Variants in DLGAP2 observed in about 807,000 individuals in gnomAD.
DLGAP2 encodes the protein DLG associated protein 2, also known as disks large-associated protein 2.
DLGAP2 carries 26 observed loss-of-function variants against 100.3 expected under a neutral mutation model. The ratio of observed to expected loss-of-function variants is 0.26; its 90% CI spans 0.19 to 0.36. DLGAP2 has a LOEUF of 0.36. DLGAP2 is among the 10% of genes least tolerant of loss of function. DLGAP2 has a pLI of 1.00. For missense variants in DLGAP2, 1,858 were observed against 1,453.2 expected (o/e 1.28, Z -4.53); for synonymous variants, 886 against 630.1 (o/e 1.41, Z -6.08).
intron 4 of DLGAP2, among the ~76,000 whole-genome samples, chr8:1,526,973 G>C (rs934800739): frequency 6.6e-6 from 1 of 152,226 alleles, no homozygotes; most frequent in Non-Finnish European, 1.5e-5. Flanking sequence ...TGCAAGCAGC[G>C]GGTGCCGTCA....
rs1050121054 is a variant in DLGAP2 at position 1,613,543 on chromosome 8, A to T, written c.1443-13197A>T. Among the ~76,000 whole-genome samples, 13 of 68,184 alleles carry T rather than the reference A, an allele frequency of 1.9e-4. No individual in the cohort carries two copies. In the South Asian group the frequency reaches 3.0e-3, roughly 16 times the overall value. 44.7% of individuals were successfully genotyped at this position (68,184 alleles called of 152,430 possible). ...TGTACCCTAAAACTTAAAGTATAAT[A>T]AAAAAAAAAAAAGAAAAGAAAAGAA... is the stretch of plus-strand genomic sequence containing the variant. On this transcript the variant is annotated intron_variant, in intron 6 of 14. Transcript: ENST00000637795.
chr8:1,555,438 G>A (rs1421615670), intron 5 of DLGAP2, among the ~76,000 whole-genome samples: 1 of 152,150 alleles, frequency 6.6e-6, no homozygotes, highest in Non-Finnish European at 1.5e-5. Context: ...GTTGTGAGGG[G>A]CTCCTCCACA....
chr8:1,132,446 A>T (rs959291683), intron 2 of DLGAP2, among the ~76,000 whole-genome samples: 23 of 152,220 alleles, frequency 1.5e-4, no homozygotes, highest in African/African-American at 5.5e-4. Context: ...AGAGGAGTGC[A>T]AGGTTAAGAA....
At chr8:1,312,395 A>G (rs1800634019) in intron 3 of DLGAP2, among the ~76,000 whole-genome samples, 1 of 152,220 alleles carries the variant, frequency 6.6e-6, no homozygotes, top group Non-Finnish European at 1.5e-5. Context: ...GAATGAAATG[A>G]CAGACCACAG....
At chr8:1,516,199 GTGAA>G (rs375551445) in intron 4 of DLGAP2, among the ~76,000 whole-genome samples, 1 of 152,334 alleles carries the variant, frequency 6.6e-6, no homozygotes, top group East Asian at 1.9e-4. Context: ...GTGAGAATGA[GTGAA>G]TGTGTGCATG....
chr8:1,176,470 A>G (rs114031996), intron 2 of DLGAP2, among the ~76,000 whole-genome samples: 3,719 of 152,284 alleles, frequency 0.024, 179 homozygotes, highest in African/African-American at 0.085. Flanking sequence ...AGAACGATGA[A>G]TGTAGTCACG....
intron 3 of DLGAP2, among the ~76,000 whole-genome samples, chr8:1,272,818 G>A (rs1450333568): frequency 3.9e-5 from 6 of 152,214 alleles, no homozygotes; most frequent in Non-Finnish European, 8.8e-5. Flanking sequence ...ATGAGCTGCC[G>A]GCCTGCAAGT....
chr8:1,289,957 G>A (rs1348689326), intron 3 of DLGAP2, among the ~76,000 whole-genome samples: 1 of 152,178 alleles, frequency 6.6e-6, no homozygotes, highest in Non-Finnish European at 1.5e-5. Context: ...CAAATGGTAG[G>A]TCCTGGGGAT....
At chr8:913,747 A>T (rs1230642353) in intron 2 of DLGAP2, among the ~76,000 whole-genome samples, 1 of 152,248 alleles carries the variant, frequency 6.6e-6, no homozygotes, top group Non-Finnish European at 1.5e-5. Context: ...TGTGCCTCAG[A>T]TACAGGTTTG....
chr8:1,094,163 T>C (rs1804289625), intron 2 of DLGAP2, among the ~76,000 whole-genome samples: 1 of 152,112 alleles, frequency 6.6e-6, no homozygotes, highest in African/African-American at 2.4e-5. Context: ...CAGGGCCCAT[T>C]TGGGAACAGA....
At chr8:1,092,603 C>T (rs773221857) in intron 2 of DLGAP2, among the ~76,000 whole-genome samples, 148 of 152,224 alleles carry the variant, frequency 9.7e-4, no homozygotes, top group Non-Finnish European at 1.6e-3. Context: ...TCACATGCCT[C>T]TCCAGGGACA....
intron 8 of DLGAP2, among the ~76,000 whole-genome samples, chr8:1,660,260 T>A (rs1047493943): frequency 6.6e-6 from 1 of 152,192 alleles, no homozygotes; most frequent in African/African-American, 2.4e-5. Context: ...CCTTTCTCTC[T>A]GGCTGGAGGG....
intron 2 of DLGAP2, among the ~76,000 whole-genome samples, chr8:1,202,337 C>A (rs1797897576): frequency 1.3e-5 from 2 of 151,212 alleles, no homozygotes; most frequent in African/African-American, 4.9e-5. Flanking sequence ...GAGGCCTGGG[C>A]CAGGGGCAGG....
At chr8:1,570,212 A>C (rs932633908) in intron 6 of DLGAP2, among the ~76,000 whole-genome samples, 1 of 152,320 alleles carries the variant, frequency 6.6e-6, no homozygotes, top group Admixed American at 6.5e-5. Flanking sequence ...ATACACATCC[A>C]TGTGCCGTCT....
intron 1 of DLGAP2, among the ~76,000 whole-genome samples, chr8:747,403 G>A (rs1820650811): frequency 6.6e-6 from 1 of 151,900 alleles, no homozygotes; most frequent in Non-Finnish European, 1.5e-5. Context: ...GCCGGGCCTC[G>A]CTTAGGCATC....
At chr8:958,693 G>T (rs1181902674) in intron 2 of DLGAP2, among the ~76,000 whole-genome samples, 1 of 152,052 alleles carries the variant, frequency 6.6e-6, no homozygotes, top group African/African-American at 2.4e-5. Context: ...TGTATTTAGG[G>T]CATATTTCTG....
intron 2 of DLGAP2, among the ~76,000 whole-genome samples, chr8:1,174,362 A>G (rs977361788): frequency 6.6e-6 from 1 of 151,902 alleles, no homozygotes; most frequent in African/African-American, 2.4e-5. Context: ...TACCATCACC[A>G]AAATCATTAT....
intron 3 of DLGAP2, among the ~76,000 whole-genome samples, chr8:1,428,894 G>T (rs6558473): frequency 6.6e-6 from 1 of 152,060 alleles, no homozygotes; most frequent in African/African-American, 2.4e-5. Context: ...ACAGGACGTC[G>T]TCTCATGCCC....
chr8:1,039,517 CA>C (rs1408178429), intron 2 of DLGAP2, among the ~76,000 whole-genome samples: 1 of 129,812 alleles, frequency 7.7e-6, no homozygotes, highest in African/African-American at 3.0e-5. Context: ...GCTCGGTGTG[CA>C]TGTTCAGCTC....
Sources: gnomAD v4.1 joint callset for allele counts (sites outside exome capture counted in the v4.1 genomes callset) on GRCh38, gnomAD v4.1.1 for gene constraint, MANE v1.5 for transcripts, NCBI Gene and HGNC (gene_info 2026-07-23, HGNC 2026-07-21) for gene names.